Variants in UQCC1 observed in about 807,000 individuals in gnomAD.
The protein encoded by UQCC1 is ubiquinol-cytochrome c reductase complex assembly factor 1.
In UQCC1, 38 loss-of-function variants were observed where a neutral mutation model predicts 48.0. The observed-to-expected ratio is 0.79, with a 90% CI of 0.61 to 1.04. UQCC1 has a LOEUF of 1.04. Among genes scored for constraint, UQCC1 ranks in the 50% least tolerant of loss-of-function variants. UQCC1 has a pLI of 0.00. For synonymous variants in UQCC1, 111 were observed against 129.2 expected, an observed-to-expected ratio of 0.86 and a Z score of 0.95; for missense variants, 368 against 381.8, an observed-to-expected ratio of 0.96 and a Z score of 0.30.
intron 1 of UQCC1, among the ~76,000 whole-genome samples, chr20:35,405,111 A>G (rs1373367923): frequency 6.6e-6 from 1 of 152,192 alleles, no homozygotes; most frequent in African/African-American, 2.4e-5. Flanking sequence ...GAGTTATCGA[A>G]TGCCTGGCAG....
chr20:35,318,832 G>T (rs896066116), intron 7 of UQCC1, among the ~76,000 whole-genome samples: 1 of 152,188 alleles, frequency 6.6e-6, no homozygotes, highest in African/African-American at 2.4e-5. Flanking sequence ...AGGGGAGCAG[G>T]ATATTCGCTC....
rs912251765 is a variant in UQCC1, at chr20:35,303,465, C to A, written c.*470G>T. ...AAGAAGGGCCATGGCAGAGAGAAGT[C>A]TCTGTTTCTTTTAATGGCCAACTCA... On this transcript the variant is annotated 3_prime_UTR_variant, in exon 10 of 10. Coordinates refer to ENST00000374385, the MANE Select transcript of UQCC1 (RefSeq NM_018244.5). 6.1e-6 allele frequency: 1 copy of A among 164,218 alleles called. No individual in the cohort carries two copies. The highest frequency in any genetic ancestry group is 1.4e-5 in the Non-Finnish European group (1 of 73,886). The allele number at this position is 164,218 out of a possible 1,614,324, so 10.2% of individuals were successfully genotyped here.
chr20:35,402,339 G>A (rs376637635), intron 1 of UQCC1, among the ~76,000 whole-genome samples: 3 of 152,126 alleles, frequency 2.0e-5, no homozygotes, highest in African/African-American at 4.8e-5. Flanking sequence ...AGCACTCTGG[G>A]AGGCCGAGGC....
chr20:35,330,966 A>T (rs961875761), intron 7 of UQCC1, among the ~76,000 whole-genome samples: 7 of 152,158 alleles, frequency 4.6e-5, no homozygotes, highest in Admixed American at 6.5e-5. Context: ...CTTCTCTGGC[A>T]GCCAACTCAC....
At chr20:35,332,647 A>G (rs951721132) in intron 7 of UQCC1, among the ~76,000 whole-genome samples, 3 of 152,256 alleles carry the variant, frequency 2.0e-5, no homozygotes, top group African/African-American at 7.2e-5. Context: ...ACTTGGAGAA[A>G]GAAGAGCTCC....
intron 8 of UQCC1, among the ~76,000 whole-genome samples, chr20:35,310,841 C>CA (rs1191524441): frequency 2.0e-4 from 29 of 148,312 alleles, no homozygotes; most frequent in African/African-American, 6.2e-4. Context: ...TACAGGCGCC[C>CA]ACCACCATGC....
chr20:35,376,690 C>A (rs929686013), intron 4 of UQCC1, among the ~76,000 whole-genome samples: 6 of 152,092 alleles, frequency 3.9e-5, no homozygotes, highest in Non-Finnish European at 7.4e-5. Context: ...ATCAGCCAGG[C>A]GCGGTGGCTC....
chr20:35,389,562 CA>C (rs777443597), intron 2 of UQCC1, among the ~76,000 whole-genome samples: 6 of 136,142 alleles, frequency 4.4e-5, no homozygotes, highest in Non-Finnish European at 3.2e-5. Context: ...GACTCCGTCT[CA>C]AAAAAAAAAG....
chr20:35,375,905 C>A (rs1215333139), intron 4 of UQCC1, among the ~76,000 whole-genome samples: 3 of 125,692 alleles, frequency 2.4e-5, no homozygotes, highest in Non-Finnish European at 4.7e-5. Context: ...GCTGAGATCA[C>A]GCCACTGCAC....
intron 6 of UQCC1, among the ~76,000 whole-genome samples, chr20:35,349,691 T>C (rs1024350467): frequency 6.6e-6 from 1 of 152,114 alleles, no homozygotes. Context: ...AGAAAAGCAA[T>C]TAAACTGTTT....
chr20:35,368,879 T>A (rs565456222), intron 5 of UQCC1, among the ~76,000 whole-genome samples: 1 of 152,202 alleles, frequency 6.6e-6, no homozygotes, highest in Non-Finnish European at 1.5e-5. Context: ...TTAAGACACA[T>A]GCCATCTGAG....
intron 7 of UQCC1, among the ~76,000 whole-genome samples, chr20:35,341,328 A>G (rs953392674): frequency 2.0e-5 from 3 of 152,186 alleles, no homozygotes; most frequent in African/African-American, 4.8e-5. Context: ...AGAAGATGGA[A>G]AAGTATGGGA....
In UQCC1 at chr20:35,394,079, C is replaced by G. The variant is rs1400302677; in HGVS notation, c.129+13G>C. 1 of 1,608,680 alleles carries G rather than the reference C, an allele frequency of 6.2e-7. No individual in the cohort carries two copies. The highest frequency in any genetic ancestry group is 1.7e-5 in the Admixed American group (1 of 59,966). On this transcript the variant is annotated intron_variant, in intron 2 of 9. Coordinates refer to ENST00000374385, the MANE Select transcript of UQCC1 (RefSeq NM_018244.5). ...AAGGTTTTCATACTAAGCAAAAGAA[C>G]AACAAATCTTACCTGGGAAGTGCGA...
intron 9 of UQCC1, among the ~76,000 whole-genome samples, chr20:35,305,302 C>A (rs993657599): frequency 6.6e-6 from 1 of 152,206 alleles, no homozygotes; most frequent in East Asian, 1.9e-4. Context: ...TTCCCAAGAA[C>A]CCCTTCACGG....
At chr20:35,348,702 G>A (rs140719630) in intron 6 of UQCC1, among the ~76,000 whole-genome samples, 3 of 152,244 alleles carry the variant, frequency 2.0e-5, no homozygotes, top group Non-Finnish European at 2.9e-5. Flanking sequence ...CACCCAGGCC[G>A]GAATGCAGTG....
rs80221706 is a variant in UQCC1, at chr20:35,395,019, C to G, written c.25-823G>C. On this transcript the variant is annotated intron_variant, in intron 1 of 9. Coordinates refer to ENST00000374385, the MANE Select transcript of UQCC1 (RefSeq NM_018244.5). The stretch of plus-strand genomic sequence containing the variant: ...ATAAGGGATACACCTCAGGAACAGC[C>G]AAATGGAAGCGATGCAAAAGACAGG... 7.2e-3 allele frequency among the ~76,000 whole-genome samples: 1,096 copies of G among 152,236 alleles called. 19 individuals carry two copies. Among genetic ancestry groups the G allele is most frequent in the East Asian group, 0.058 (299 of 5,178 alleles).
At chr20:35,380,541 A>G (rs1235823611) in intron 4 of UQCC1, among the ~76,000 whole-genome samples, 1 of 152,240 alleles carries the variant, frequency 6.6e-6, no homozygotes, top group African/African-American at 2.4e-5. Context: ...AGAAGAAACC[A>G]CAAGTAGAAG....
At chr20:35,369,260 T>C (rs1246019746) in intron 5 of UQCC1, among the ~76,000 whole-genome samples, 1 of 152,212 alleles carries the variant, frequency 6.6e-6, no homozygotes, top group Non-Finnish European at 1.5e-5. Flanking sequence ...TGAGTCCCTA[T>C]ACACACTGGT....
At chr20:35,384,579 C>A in intron 2 of UQCC1, 1 of 440,468 alleles carries the variant, frequency 2.3e-6, no homozygotes. Flanking sequence ...AAGATCGAGG[C>A]TGCAGGGAGC....
Sources: allele counts gnomAD v4.1 joint callset (sites outside exome capture counted in the v4.1 genomes callset), GRCh38; gene constraint gnomAD v4.1.1; transcripts MANE v1.5; gene names NCBI Gene and HGNC (gene_info 2026-07-23, HGNC 2026-07-21).